BEST3: variants seen among roughly 807,000 people sequenced by gnomAD.
BEST3 encodes the protein bestrophin 3.
BEST3 carries 50 observed loss-of-function variants against 47.1 expected under a neutral mutation model. The ratio of observed to expected loss-of-function variants is 1.06; its 90% CI spans 0.85 to 1.34. The LOEUF (loss-of-function observed/expected upper bound fraction) is 1.34. BEST3 is among the 40% of genes most tolerant of loss of function. The pLI is 0.00. For missense variants in BEST3, 765 were observed against 817.0 expected (o/e 0.94, Z 0.78); for synonymous variants, 282 against 298.8 (o/e 0.94, Z 0.58).
intron 9 of BEST3, among the ~76,000 whole-genome samples, chr12:69,667,829 C>T (rs1201958594): frequency 1.3e-5 from 2 of 152,044 alleles, no homozygotes; most frequent in Non-Finnish European, 2.9e-5. Flanking sequence ...GGCATAGAAC[C>T]TACCTCATAG....
downstream of BEST3, among the ~76,000 whole-genome samples, chr12:69,651,499 G>C (rs1335793112): frequency 2.0e-5 from 3 of 152,114 alleles, no homozygotes; most frequent in Admixed American, 2.0e-4. Flanking sequence ...CAAACAGGGT[G>C]TGGTGGCTCA....
intron 4 of BEST3, among the ~76,000 whole-genome samples, chr12:69,692,516 T>C (rs537025422): frequency 6.6e-6 from 1 of 152,360 alleles, no homozygotes; most frequent in East Asian, 1.9e-4. Context: ...TCTCAGTGTC[T>C]GCCTAGATGA....
At chr12:69,675,171 G>A (rs1381568377) in intron 7 of BEST3, among the ~76,000 whole-genome samples, 1 of 152,042 alleles carries the variant, frequency 6.6e-6, no homozygotes, top group Admixed American at 6.6e-5. Context: ...CCAGGCTGGA[G>A]TGCAGTGGTG....
rs1337573108 is a variant in BEST3, at chr12:69,653,920, A to T, written c.*987T>A. 1.0e-6 allele frequency: 1 copy of T among 985,346 alleles called. No individual in the cohort carries two copies. Among genetic ancestry groups the T allele is most frequent in the African/African-American group, 1.7e-5 (1 of 57,248 alleles). The allele number at this position is 985,346 out of a possible 1,614,324, so 61.0% of individuals were successfully genotyped here. On this transcript the variant is annotated 3_prime_UTR_variant, in exon 10 of 10. Transcript: ENST00000330891. ...AAGTTAAACAGATGTGAGTCATCTTATTCTTTGGTTCCATAGCATTTGGCT... is the reference window on the plus strand; with the variant it reads ...AAGTTAAACAGATGTGAGTCATCTTTTTCTTTGGTTCCATAGCATTTGGCT...
intron 4 of BEST3, among the ~76,000 whole-genome samples, chr12:69,691,364 C>G (rs1048881098): frequency 2.0e-5 from 3 of 152,158 alleles, no homozygotes; most frequent in African/African-American, 7.2e-5. Context: ...CTAACTCAGA[C>G]AAAGTCATGT....
chr12:69,683,772 C>T (rs1009602122), intron 4 of BEST3: 1 of 152,196 alleles, frequency 6.6e-6, no homozygotes, highest in Non-Finnish European at 1.5e-5. Context: ...GGGTGCACAT[C>T]CTCAACCTTG....
chr12:69,692,783 G>A (rs1885970267), intron 4 of BEST3, among the ~76,000 whole-genome samples: 1 of 152,132 alleles, frequency 6.6e-6, no homozygotes, highest in South Asian at 2.1e-4. Context: ...ATTTTTTGGG[G>A]ACTGATGGGG....
chr12:69,673,102 C>G, intron 7 of BEST3, 137 bp from the exon 8 acceptor site: 1 of 639,908 alleles, frequency 1.6e-6, no homozygotes, highest in East Asian at 2.7e-5. Flanking sequence ...GTAGATTGTT[C>G]TACCGAGATA....
chr12:69,644,671 A>G (rs1422900187), intron 9 of BEST3, among the ~76,000 whole-genome samples: 2 of 152,192 alleles, frequency 1.3e-5, no homozygotes, highest in African/African-American at 4.8e-5. Flanking sequence ...TTGATAGGAC[A>G]GTAAGATTCT....
intron 4 of BEST3, chr12:69,684,644 C>T (rs747172183): frequency 1.3e-5 from 8 of 622,366 alleles, no homozygotes; most frequent in South Asian, 1.3e-4. Context: ...CATCTGAGCC[C>T]TTCTCCAAGG....
intron 9 of BEST3, among the ~76,000 whole-genome samples, chr12:69,657,914 G>A (rs1303674817): frequency 1.3e-5 from 2 of 152,204 alleles, no homozygotes; most frequent in East Asian, 3.8e-4. Context: ...CACTGTGTGA[G>A]GGTCAGATTC....
intron 4 of BEST3, among the ~76,000 whole-genome samples, chr12:69,692,631 C>G (rs1386960819): frequency 2.0e-5 from 3 of 152,216 alleles, no homozygotes; most frequent in Non-Finnish European, 4.4e-5. Context: ...CTGTGTAATT[C>G]AGGGCAGGTT....
chr12:69,655,551 A>T lies in BEST3; in HGVS notation c.1363T>A (p.Phe455Ile), dbSNP rs751627269. 1 of 1,613,982 alleles carries T rather than the reference A, an allele frequency of 6.2e-7. No individual in the cohort carries two copies. The highest frequency in any genetic ancestry group is 8.5e-7 in the Non-Finnish European group (1 of 1,179,978). Reference protein sequence around the residue: ...RASPTWKKSCFPEGSPTLHFS... With the variant: ...RASPTWKKSCIPEGSPTLHFS... ...TGCAGCGTGGGGCTTCCTTCTGGGA[A>T]GCAGGATTTCTTCCAGGTGGGTGAG... Residue 455 changes from phenylalanine to isoleucine, a missense_variant, in exon 10 of 10, where the codon TTC becomes ATC. By Grantham distance (21) the Phe-to-Ile change is conservative. Coordinates refer to ENST00000330891, the MANE Select transcript of BEST3 (RefSeq NM_032735.3).
At chr12:69,691,653 G>T (rs1261065211) in intron 4 of BEST3, among the ~76,000 whole-genome samples, 1 of 152,092 alleles carries the variant, frequency 6.6e-6, no homozygotes, top group Non-Finnish European at 1.5e-5. Flanking sequence ...TTAGCCAGGC[G>T]TGGTGGTGTG....
chr12:69,688,309 A>G (rs982822817), intron 4 of BEST3, among the ~76,000 whole-genome samples: 1 of 152,216 alleles, frequency 6.6e-6, no homozygotes, highest in Non-Finnish European at 1.5e-5. Flanking sequence ...TTTGTAGCCA[A>G]TAGGCAAAAG....
At chr12:69,694,331 C>G in intron 3 of BEST3, 39 bp downstream of exon 3, 1 of 1,309,958 alleles carries the variant, frequency 7.6e-7, no homozygotes, top group Non-Finnish European at 1.1e-6. Flanking sequence ...CTAACGGAGA[C>G]AGCTATGTGG....
chr12:69,676,877 T>C, intron 7 of BEST3, 39 bp downstream of exon 7: 8 of 1,597,492 alleles, frequency 5.0e-6, no homozygotes, highest in Non-Finnish European at 6.9e-6. Flanking sequence ...GTCTGGAACA[T>C]AACACATTAC....
chr12:69,648,392 G>A (rs1883105161), intron 9 of BEST3, among the ~76,000 whole-genome samples: 1 of 152,158 alleles, frequency 6.6e-6, no homozygotes. Context: ...ATAAACAGAT[G>A]AGACCTATAC....
chr12:69,687,438 GC>G (rs1250229476), intron 4 of BEST3: 1 of 152,102 alleles, frequency 6.6e-6, no homozygotes, highest in Non-Finnish European at 1.5e-5. Flanking sequence ...TTCAAGACCA[GC>G]ATAGGCAACA....
Sources: gnomAD v4.1 joint callset for allele counts (sites outside exome capture counted in the v4.1 genomes callset) on GRCh38, gnomAD v4.1.1 for gene constraint, MANE v1.5 for transcripts, NCBI Gene and HGNC (gene_info 2026-07-23, HGNC 2026-07-21) for gene names.